NLGN1: variants seen among roughly 807,000 people sequenced by gnomAD.
NLGN1 encodes neuroligin-1.
A neutral mutation model predicts 65.5 loss-of-function variants in NLGN1; 12 were observed. The observed-to-expected ratio is 0.18, with a 90% CI of 0.12 to 0.30. The LOEUF (loss-of-function observed/expected upper bound fraction) is 0.30. Ranked by LOEUF, NLGN1 falls within the 10% of genes least tolerant of loss-of-function variation. The pLI, the probability that NLGN1 is intolerant of heterozygous loss-of-function variation, is 1.00. For missense variants in NLGN1, 750 were observed against 1,007.1 expected, an observed-to-expected ratio of 0.74 and a Z score of 3.46; for synonymous variants, 350 against 359.5, an observed-to-expected ratio of 0.97 and a Z score of 0.30.
At chr3:174,176,913 T>TTAA (rs1407348950) in intron 4 of NLGN1, among the ~76,000 whole-genome samples, 3 of 151,764 alleles carry the variant, frequency 2.0e-5, no homozygotes, top group Non-Finnish European at 1.5e-5. Flanking sequence ...TGACTCTGAG[T>TTAA]TAATCTACAC....
chr3:173,498,949 T>C lies in NLGN1; in HGVS notation c.-321+63871T>C, dbSNP rs566752257. ...GTTTGAGTTCATTGTAGATTCTGGA[T>C]ATTAGCCCTTTGTCAGATGAGTAGA... On this transcript the variant is annotated intron_variant, in intron 2 of 6. Transcript: ENST00000457714. Among the ~76,000 whole-genome samples the C allele has an allele frequency of 3.3e-3, 503 of 151,784 alleles. 8 individuals are homozygous for C. The highest frequency in any genetic ancestry group is 0.017 in the Middle Eastern group (5 of 292).
At chr3:173,705,096 G>A (rs193047998) in intron 3 of NLGN1, among the ~76,000 whole-genome samples, 7 of 152,150 alleles carry the variant, frequency 4.6e-5, no homozygotes, top group Admixed American at 4.6e-4. Flanking sequence ...GGCACTGACA[G>A]CCTTAAACAT....
At chr3:173,452,408 G>A (rs1004362876) in intron 2 of NLGN1, among the ~76,000 whole-genome samples, 1 of 152,014 alleles carries the variant, frequency 6.6e-6, no homozygotes, top group Non-Finnish European at 1.5e-5. Context: ...GGATAGTCTC[G>A]ATCTCCTGAC....
intron 4 of NLGN1, among the ~76,000 whole-genome samples, chr3:173,829,966 C>T (rs1018028577): frequency 1.0e-4 from 15 of 143,416 alleles, no homozygotes; most frequent in African/African-American, 4.0e-4. Context: ...TAATATTTGC[C>T]CGGTGACTTT....
chr3:174,041,681 T>A (rs1732344994), intron 4 of NLGN1, among the ~76,000 whole-genome samples: 1 of 152,224 alleles, frequency 6.6e-6, no homozygotes, highest in African/African-American at 2.4e-5. Flanking sequence ...TTACTTTTCA[T>A]TTCTCTAATG....
At chr3:173,599,278 G>C (rs1402582946) in intron 2 of NLGN1, among the ~76,000 whole-genome samples, 1 of 152,048 alleles carries the variant, frequency 6.6e-6, no homozygotes, top group Non-Finnish European at 1.5e-5. Flanking sequence ...ATATACATTG[G>C]ACAGCTTTAT....
At chr3:173,594,809 G>A (rs1401831945) in intron 2 of NLGN1, among the ~76,000 whole-genome samples, 1 of 152,220 alleles carries the variant, frequency 6.6e-6, no homozygotes, top group African/African-American at 2.4e-5. Flanking sequence ...CTTCACTTCT[G>A]TGCACCCACA....
intron 4 of NLGN1, among the ~76,000 whole-genome samples, chr3:173,903,547 A>G (rs895077427): frequency 5.9e-5 from 9 of 152,238 alleles, no homozygotes; most frequent in South Asian, 2.1e-4. Flanking sequence ...GCATTTTCCT[A>G]TTTGTTACTA....
At chr3:173,736,500 A>T (rs4293730) in intron 3 of NLGN1, among the ~76,000 whole-genome samples, 69,832 of 151,796 alleles carry the variant, frequency 0.46, 17,845 homozygotes, top group East Asian at 0.74. Flanking sequence ...ATAGAAGGGG[A>T]CCAGAACATA....
chr3:174,163,410 T>G (rs1266391745), intron 4 of NLGN1, among the ~76,000 whole-genome samples: 1 of 152,010 alleles, frequency 6.6e-6, no homozygotes, highest in East Asian at 1.9e-4. Context: ...TTTTTTTAGT[T>G]GTTAATGTTT....
At chr3:173,486,230 C>CTTTTAGT (rs1728155206) in intron 2 of NLGN1, among the ~76,000 whole-genome samples, 1 of 151,536 alleles carries the variant, frequency 6.6e-6, no homozygotes, top group African/African-American at 2.4e-5. Context: ...ATTTTTTTAG[C>CTTTTAGT]TTTTAGTTTT....
At chr3:174,162,126 AC>A (rs1726666395) in intron 4 of NLGN1, among the ~76,000 whole-genome samples, 1 of 151,706 alleles carries the variant, frequency 6.6e-6, no homozygotes, top group Admixed American at 6.6e-5. Context: ...GAACAACCTG[AC>A]CCCCCAGAAT....
At chr3:174,132,416 G>A (rs1197222600) in intron 4 of NLGN1, among the ~76,000 whole-genome samples, 2 of 152,058 alleles carry the variant, frequency 1.3e-5, no homozygotes, top group Non-Finnish European at 2.9e-5. Context: ...TCTTTTAATA[G>A]GATATTGAAA....
At chr3:173,715,814 A>G (rs1178220430) in intron 3 of NLGN1, among the ~76,000 whole-genome samples, 1 of 152,166 alleles carries the variant, frequency 6.6e-6, no homozygotes, top group Non-Finnish European at 1.5e-5. Context: ...GTTTAAATTT[A>G]AAAATAAAAT....
intron 4 of NLGN1, among the ~76,000 whole-genome samples, chr3:173,968,687 CTTTTTTTTTT>C (rs34662762): frequency 2.7e-4 from 16 of 59,446 alleles, no homozygotes; most frequent in Non-Finnish European, 2.9e-5. Flanking sequence ...TGAAAATAAT[CTTTTTTTTTT>C]TTTTTTTTTT....
chr3:173,413,425 C>T (rs1257915551), intron 1 of NLGN1, among the ~76,000 whole-genome samples: 2 of 152,000 alleles, frequency 1.3e-5, no homozygotes, highest in Middle Eastern at 6.8e-3. Context: ...TACGATGAAA[C>T]CCCATCTCTA....
intron 4 of NLGN1, among the ~76,000 whole-genome samples, chr3:174,010,612 T>C (rs906600113): frequency 2.6e-5 from 4 of 152,174 alleles, no homozygotes; most frequent in Non-Finnish European, 4.4e-5. Context: ...ATTCTTCTTA[T>C]GGCAGATTTT....
In NLGN1 at chr3:173,496,187, A is replaced by G. The variant is rs546575812; in HGVS notation, c.-321+61109A>G. 2.6e-5 allele frequency among the ~76,000 whole-genome samples: 4 copies of G among 151,722 alleles called. No homozygotes were observed. The South Asian group carries it at 6.2e-4, about 24-fold the overall frequency. ...TTGAGACTAGAGACCATGTCTTCAT[A>G]CACTTTATATTCATTTAGTCAGTCC... is the stretch of plus-strand genomic sequence containing the variant. On this transcript the variant is annotated intron_variant, in intron 2 of 6. Transcript: ENST00000457714.
At chr3:173,490,701 C>T (rs893848027) in intron 2 of NLGN1, among the ~76,000 whole-genome samples, 10 of 152,080 alleles carry the variant, frequency 6.6e-5, no homozygotes, top group East Asian at 1.9e-4. Flanking sequence ...GCGATTTTCA[C>T]GATATTGATT....
Sources: gnomAD v4.1 joint callset for allele counts (sites outside exome capture counted in the v4.1 genomes callset) on GRCh38, gnomAD v4.1.1 for gene constraint, MANE v1.5 for transcripts, NCBI Gene and HGNC (gene_info 2026-07-23, HGNC 2026-07-21) for gene names.